Variants in ENTPD5 observed in about 807,000 individuals in gnomAD.
The protein encoded by ENTPD5 is nucleoside diphosphate phosphatase ENTPD5.
A neutral mutation model predicts 60.2 loss-of-function variants in ENTPD5; 49 were observed. That is an observed-to-expected ratio of 0.81 (90% confidence interval 0.65 to 1.03). ENTPD5 has a LOEUF of 1.03. ENTPD5 is among the 50% of genes least tolerant of loss of function. The probability of loss-of-function intolerance (pLI) is 0.00; values close to 1 mark genes in which losing one functional copy is unlikely to be tolerated. For synonymous variants in ENTPD5, 187 were observed against 185.4 expected (o/e 1.01, Z -0.07); for missense variants, 480 against 507.6 (o/e 0.95, Z 0.52).
At chr14:73,976,744 C>T (rs538971170) in intron 8 of ENTPD5, among the ~76,000 whole-genome samples, 6 of 152,236 alleles carry the variant, frequency 3.9e-5, no homozygotes, top group Admixed American at 3.3e-4. Context: ...GTAGCTGGGA[C>T]TACAGGTACA....
intron 2 of ENTPD5, among the ~76,000 whole-genome samples, chr14:74,014,387 C>G (rs116588910): frequency 0.018 from 2,618 of 149,030 alleles, 61 homozygotes; most frequent in African/African-American, 0.058. Context: ...TACTCCCCCC[C>G]CCCACAAAAA....
chr14:73,971,810 A>G (rs2057238074), intron 14 of ENTPD5, 42 bp downstream of exon 14: 1 of 1,368,828 alleles, frequency 7.3e-7, no homozygotes, highest in Admixed American at 1.7e-5. Flanking sequence ...GTAGGCAGGC[A>G]GTCTCACAGG....
chr14:73,975,237 C>A (rs2057391317), intron 10 of ENTPD5, among the ~76,000 whole-genome samples: 1 of 152,106 alleles, frequency 6.6e-6, no homozygotes, highest in African/African-American at 2.4e-5. Context: ...GGGTCCCACA[C>A]TAGGAACCAT....
chr14:73,997,108 T>C (rs1392260897), intron 3 of ENTPD5, among the ~76,000 whole-genome samples: 12 of 152,026 alleles, frequency 7.9e-5, no homozygotes, highest in Admixed American at 7.9e-4. Context: ...GGAAGCTTCT[T>C]GAGGGATGAG....
downstream of ENTPD5, chr14:73,958,971 ATAGGT>A: frequency 6.2e-7 from 1 of 1,613,770 alleles, no homozygotes; most frequent in South Asian, 1.1e-5. Flanking sequence ...GTCCATGCAG[ATAGGT>A]GCAGATGGTC....
intron 3 of ENTPD5, among the ~76,000 whole-genome samples, chr14:74,006,128 A>T (rs923073724): frequency 2.0e-5 from 3 of 151,972 alleles, no homozygotes; most frequent in African/African-American, 7.3e-5. Context: ...AGCTGGGATT[A>T]CAGGCATACA....
chr14:73,972,194 T>C (rs1426609938), intron 13 of ENTPD5, among the ~76,000 whole-genome samples: 1 of 151,006 alleles, frequency 6.6e-6, no homozygotes, highest in East Asian at 1.9e-4. Flanking sequence ...CTGACCAACA[T>C]GGTGAAACCT....
rs1040597752 is a variant in ENTPD5 at position 73,996,258 on chromosome 14, T to C, written c.-70-8086A>G. On this transcript the variant is annotated intron_variant, in intron 3 of 15. Transcript: ENST00000334696. ...TGCAACTAACAGTGTGGCATTTTGC[T>C]AACTCACTCCCTTCTCTATCCTTCC... is the stretch of plus-strand genomic sequence containing the variant. 12 of 892,046 alleles carry C rather than the reference T, an allele frequency of 1.3e-5. No individual in the cohort carries two copies. The Admixed American group carries it at 6.8e-4, about 51-fold the overall frequency. The allele number at this position is 892,046 out of a possible 1,614,324, so 55.3% of individuals were successfully genotyped here. A position where few individuals can be genotyped will look rare whatever the true frequency, so the allele number is the denominator to read the frequency against.
At chr14:73,962,080 T>C (rs1046003457), downstream of ENTPD5, among the ~76,000 whole-genome samples, 1 of 152,068 alleles carries the variant, frequency 6.6e-6, no homozygotes, top group Admixed American at 6.6e-5. Context: ...CCCAAGTAGC[T>C]GGGATTACAG....
At position 73,986,510 on chromosome 14, in the gene ENTPD5, C is replaced by T. The variant is rs77198992; in HGVS notation, c.297+304G>A. The T allele has an allele frequency of 2.0e-3, 607 of 298,800 alleles. 6 individuals are homozygous for T. The highest frequency in any genetic ancestry group is 0.012 in the African/African-American group (580 of 46,678). The allele number at this position is 298,800 out of a possible 1,614,324, so 18.5% of individuals were successfully genotyped here. A position where few individuals can be genotyped will look rare whatever the true frequency, so the allele number is the denominator to read the frequency against. On this transcript the variant is annotated intron_variant, in intron 5 of 15. Transcript: ENST00000334696. ...ACTTCATGTTTATCTTCTGCGCTTA[C>T]ATGAACAAATACAACTGATGGCTTC...
intron 5 of ENTPD5, among the ~76,000 whole-genome samples, chr14:73,984,001 T>C (rs997766887): frequency 4.6e-5 from 7 of 151,902 alleles, no homozygotes; most frequent in Non-Finnish European, 1.0e-4. Context: ...AAATTATTCT[T>C]TTATATTGTG....
At chr14:74,001,872 C>T (rs955518046) in intron 3 of ENTPD5, among the ~76,000 whole-genome samples, 1 of 151,604 alleles carries the variant, frequency 6.6e-6, no homozygotes, top group African/African-American at 2.4e-5. Flanking sequence ...TAATTAAAAG[C>T]CAATGTCCTC....
intron 15 of ENTPD5, among the ~76,000 whole-genome samples, chr14:73,967,636 G>C (rs1202913579): frequency 1.3e-5 from 2 of 151,480 alleles, no homozygotes; most frequent in Non-Finnish European, 2.9e-5. Context: ...GCAAAACCCC[G>C]TCTCTACAAA....
intron 4 of ENTPD5, 106 bp downstream of exon 4, chr14:73,987,780 G>A: frequency 2.0e-6 from 2 of 982,632 alleles, no homozygotes; most frequent in Non-Finnish European, 3.1e-6. Context: ...TCCACTAGGT[G>A]TGAGATTCTG....
Position 73,977,077 on chromosome 14 carries a change from C to T in ENTPD5, c.518-18G>A, listed in dbSNP as rs947806742. On this transcript the variant is annotated intron_variant, in intron 7 of 15. Transcript: ENST00000334696. ...TAATATGCCTAAAAAGAAAGAAAGA[C>T]AAGGATTAGATCCCAGAGCATTTTT... The T allele has an allele frequency of 3.1e-6, 5 of 1,610,910 alleles. No homozygotes were observed. In the African/African-American group the frequency reaches 6.7e-5, roughly 22 times the overall value.
chr14:73,973,715 C>T (rs1263467982), intron 12 of ENTPD5, among the ~76,000 whole-genome samples, 162 bp downstream of exon 12: 1 of 152,192 alleles, frequency 6.6e-6, no homozygotes, highest in Non-Finnish European at 1.5e-5. Flanking sequence ...CTGCTTTGTT[C>T]ACTGTCACTT....
chr14:73,984,934 T>C (rs1420729394), intron 5 of ENTPD5, among the ~76,000 whole-genome samples: 1 of 152,180 alleles, frequency 6.6e-6, no homozygotes, highest in Non-Finnish European at 1.5e-5. Flanking sequence ...GTGTGTGATG[T>C]TCCCCACCCT....
rs2056872263 is a variant in ENTPD5 at position 73,964,002 on chromosome 14, TC to T, written c.*2925del. ...ACAATGTCACAACCTTGCTGGAATC[TC>T]AGGAAAAAGAATTAAAGATGGCAGC... On this transcript the variant is annotated 3_prime_UTR_variant, in exon 16 of 16. Coordinates refer to ENST00000334696, the MANE Select transcript of ENTPD5 (RefSeq NM_001249.5). 6.6e-6 allele frequency: 1 copy of T among 152,080 alleles called. No homozygotes were observed. Among genetic ancestry groups the T allele is most frequent in the African/African-American group, 2.4e-5 (1 of 41,394 alleles). The allele number at this position is 152,080 out of a possible 1,614,324, so 9.4% of individuals were successfully genotyped here. A position where few individuals can be genotyped will look rare whatever the true frequency, so the allele number is the denominator to read the frequency against.
rs1411982939 is a variant in ENTPD5, at chr14:73,985,203, T to A, written c.297+1611A>T. The stretch of plus-strand genomic sequence containing the variant: ...TGTGAATGATGCCTCAATAAACATA[T>A]GTGTGCATGTGTCTTTATAGCAGCA... On this transcript the variant is annotated intron_variant, in intron 5 of 15. Transcript: ENST00000334696. Among the ~76,000 whole-genome samples, 4 of 152,202 alleles carry A rather than the reference T, an allele frequency of 2.6e-5. No homozygotes were observed. In the South Asian group the frequency reaches 8.3e-4, roughly 31 times the overall value.
Sources: gnomAD v4.1 joint callset for allele counts (sites outside exome capture counted in the v4.1 genomes callset) on GRCh38, gnomAD v4.1.1 for gene constraint, MANE v1.5 for transcripts, NCBI Gene and HGNC (gene_info 2026-07-23, HGNC 2026-07-21) for gene names.